The following ARFGEF3 variants were observed in gnomAD, a reference collection of about 807,000 sequenced individuals.
ARFGEF3 encodes the protein ARFGEF family member 3.
ARFGEF3 carries 96 observed loss-of-function variants against 221.7 expected under a neutral mutation model. That is an observed-to-expected ratio of 0.43 (90% CI 0.37 to 0.51). The LOEUF (loss-of-function observed/expected upper bound fraction) is 0.51, where lower values mean the gene tolerates loss of function less well. ARFGEF3 is among the 20% of genes least tolerant of loss of function. The pLI, the probability that ARFGEF3 is intolerant of heterozygous loss-of-function variation, is 0.00. For missense variants in ARFGEF3, 2,410 were observed against 2,789.9 expected (o/e 0.86, Z 3.07); for synonymous variants, 1,145 against 1,126.8 (o/e 1.02, Z -0.32).
chr6:138,239,605 T>C (rs1337626122), intron 6 of ARFGEF3, among the ~76,000 whole-genome samples: 1 of 146,624 alleles, frequency 6.8e-6, no homozygotes, highest in Non-Finnish European at 1.5e-5. Flanking sequence ...GCTGAGATCA[T>C]GCCCACTGCA....
chr6:138,257,645 A>G (rs1490430820), intron 10 of ARFGEF3, among the ~76,000 whole-genome samples: 2 of 152,074 alleles, frequency 1.3e-5, no homozygotes, highest in African/African-American at 4.8e-5. Flanking sequence ...CATCCTTATC[A>G]CTGGACATGA....
chr6:138,196,863 C>T (rs1219259510), intron 2 of ARFGEF3, among the ~76,000 whole-genome samples: 11 of 152,114 alleles, frequency 7.2e-5, no homozygotes, highest in East Asian at 3.9e-4. Flanking sequence ...GACGGAGTTT[C>T]GCTCTTGTGG....
intron 8 of ARFGEF3, among the ~76,000 whole-genome samples, chr6:138,249,781 G>C (rs80018959): frequency 6.6e-6 from 1 of 152,052 alleles, no homozygotes; most frequent in Non-Finnish European, 1.5e-5. Flanking sequence ...AATTCCCCTG[G>C]TCATAGTTCT....
chr6:138,164,031 T>G (rs1441940667), intron 1 of ARFGEF3, among the ~76,000 whole-genome samples: 1 of 152,180 alleles, frequency 6.6e-6, no homozygotes. Flanking sequence ...AAACATTTAT[T>G]AAGACCTCCC....
At chr6:138,321,484 TGCTCA>T (rs1346641017) in intron 29 of ARFGEF3, among the ~76,000 whole-genome samples, 1 of 152,178 alleles carries the variant, frequency 6.6e-6, no homozygotes, top group Non-Finnish European at 1.5e-5. Flanking sequence ...TATGAAAAGG[TGCTCA>T]GCATCAGTGA....
At chr6:138,319,913 A>ATTTC in intron 28 of ARFGEF3, 34 bp downstream of exon 28, 2 of 1,596,788 alleles carry the variant, frequency 1.3e-6, no homozygotes, top group African/African-American at 2.7e-5. Flanking sequence ...CATTCTGGGT[A>ATTTC]TTTCTTTGGT....
intron 29 of ARFGEF3, among the ~76,000 whole-genome samples, chr6:138,323,223 T>A (rs1416714433): frequency 6.6e-6 from 1 of 152,178 alleles, no homozygotes; most frequent in Non-Finnish European, 1.5e-5. Flanking sequence ...GAATACTGGA[T>A]GGTTGAGAGA....
intron 2 of ARFGEF3, among the ~76,000 whole-genome samples, chr6:138,179,605 C>G (rs1206865899): frequency 6.6e-6 from 1 of 152,166 alleles, no homozygotes; most frequent in Non-Finnish European, 1.5e-5. Context: ...CTCGTCTTGA[C>G]GTGGGGACCT....
chr6:138,265,002 C>A (rs1778862062), intron 12 of ARFGEF3, among the ~76,000 whole-genome samples: 1 of 151,084 alleles, frequency 6.6e-6, no homozygotes, highest in South Asian at 2.1e-4. Context: ...CTCCCGGGTT[C>A]ATGCCATTCT....
At chr6:138,276,702 G>A (rs557023407) in intron 12 of ARFGEF3, among the ~76,000 whole-genome samples, 1 of 152,126 alleles carries the variant, frequency 6.6e-6, no homozygotes, top group Non-Finnish European at 1.5e-5. Context: ...GTATCTTTCT[G>A]TTGCCCAGGC....
At chr6:138,265,167 T>G (rs1228380620) in intron 12 of ARFGEF3, among the ~76,000 whole-genome samples, 3 of 152,176 alleles carry the variant, frequency 2.0e-5, no homozygotes, top group Admixed American at 6.5e-5. Context: ...CCTCCCAAAG[T>G]GCTGGGATTA....
At chr6:138,329,178 A>C (rs1780176636) in intron 32 of ARFGEF3, among the ~76,000 whole-genome samples, 1 of 152,190 alleles carries the variant, frequency 6.6e-6, no homozygotes, top group Non-Finnish European at 1.5e-5. Flanking sequence ...AGACTTGAAG[A>C]TGAAGGCAAT....
chr6:138,277,059 A>T (rs140962906), intron 12 of ARFGEF3, among the ~76,000 whole-genome samples: 3 of 152,216 alleles, frequency 2.0e-5, no homozygotes, highest in East Asian at 1.9e-4. Flanking sequence ...TTAAGTATAC[A>T]ATTCAGTGGT....
chr6:138,331,642 G>A (rs1780228931), intron 32 of ARFGEF3, among the ~76,000 whole-genome samples: 2 of 152,168 alleles, frequency 1.3e-5, no homozygotes, highest in Admixed American at 1.3e-4. Context: ...CACTTGTTAT[G>A]CAATTAACTC....
chr6:138,269,281 C>T (rs1378887076), intron 12 of ARFGEF3, among the ~76,000 whole-genome samples: 1 of 152,254 alleles, frequency 6.6e-6, no homozygotes, highest in African/African-American at 2.4e-5. Context: ...GGGCTGAAGT[C>T]TCTGGAAGGA....
chr6:138,301,759 T>C (rs1779632821), intron 22 of ARFGEF3, among the ~76,000 whole-genome samples: 1 of 152,148 alleles, frequency 6.6e-6, no homozygotes, highest in South Asian at 2.1e-4. Context: ...GCCAACCTTC[T>C]CACACAGATT....
chr6:138,224,739 T>G (rs2114523992), intron 4 of ARFGEF3, among the ~76,000 whole-genome samples: 2 of 151,994 alleles, frequency 1.3e-5, no homozygotes, highest in South Asian at 2.1e-4. Flanking sequence ...AATCCAATGG[T>G]GTGTGTGTGT....
intron 7 of ARFGEF3, among the ~76,000 whole-genome samples, chr6:138,243,299 G>T (rs2114555928): frequency 6.6e-6 from 1 of 152,242 alleles, no homozygotes. Flanking sequence ...ATGAAGTCAG[G>T]TTTAATTGCT....
At chr6:138,180,503 TA>T (rs1402861247) in intron 2 of ARFGEF3, among the ~76,000 whole-genome samples, 1 of 152,170 alleles carries the variant, frequency 6.6e-6, no homozygotes. Context: ...CTCCCTACTA[TA>T]GCTGACTTCT....
Sources: allele counts gnomAD v4.1 joint callset (sites outside exome capture counted in the v4.1 genomes callset), GRCh38; gene constraint gnomAD v4.1.1; transcripts MANE v1.5; gene names NCBI Gene and HGNC (gene_info 2026-07-23, HGNC 2026-07-21).